The following ARSB variants were observed in gnomAD, a reference collection of about 807,000 sequenced individuals.
ARSB encodes N-acetylgalactosamine-4-sulfatase.
Under a neutral mutation model 50.9 loss-of-function variants are expected in ARSB, and 41 were observed. The observed-to-expected ratio is 0.81, with a 90% CI of 0.63 to 1.04. ARSB has a LOEUF of 1.04. Among genes scored for constraint, ARSB ranks in the 50% least tolerant of loss-of-function variants. The pLI is 0.00. For missense variants in ARSB, 672 were observed against 693.3 expected, an observed-to-expected ratio of 0.97 and a Z score of 0.35; for synonymous variants, 269 against 284.8, an observed-to-expected ratio of 0.94 and a Z score of 0.56.
rs76853928 is a variant in ARSB, at chr5:78,811,251, T to C, written c.1213+28105A>G. Reference sequence around the variant, plus strand: ...AACAATGGATGCTCTGGAATGTTTGTTGATTAAATAATTGAGATCACACAT... The same window carrying C: ...AACAATGGATGCTCTGGAATGTTTGCTGATTAAATAATTGAGATCACACAT... On this transcript the variant is annotated intron_variant, in intron 6 of 7. Coordinates refer to ENST00000264914, the MANE Select transcript of ARSB (RefSeq NM_000046.5). 6.6e-3 allele frequency among the ~76,000 whole-genome samples: 1,007 copies of C among 152,344 alleles called. 16 individuals carry two copies. The highest frequency in any genetic ancestry group is 0.023 in the African/African-American group (943 of 41,588).
intron 6 of ARSB, among the ~76,000 whole-genome samples, chr5:78,820,645 A>G (rs1744175787): frequency 6.6e-6 from 1 of 152,244 alleles, no homozygotes; most frequent in Non-Finnish European, 1.5e-5. Flanking sequence ...AGTTAAAAGA[A>G]TAAAGTAGAC....
At chr5:78,978,686 G>T (rs1400220014) in intron 1 of ARSB, among the ~76,000 whole-genome samples, 1 of 152,214 alleles carries the variant, frequency 6.6e-6, no homozygotes, top group Non-Finnish European at 1.5e-5. Context: ...GAATAGAATT[G>T]TAAGTCATAC....
intron 6 of ARSB, among the ~76,000 whole-genome samples, chr5:78,809,575 G>A (rs1250334268): frequency 6.6e-6 from 1 of 152,242 alleles, no homozygotes; most frequent in African/African-American, 2.4e-5. Flanking sequence ...CCAAGTCAGC[G>A]GCACTTCTTG....
chr5:78,886,622 TTAAG>T (rs1748049148), intron 4 of ARSB, among the ~76,000 whole-genome samples: 1 of 151,878 alleles, frequency 6.6e-6, no homozygotes, highest in Non-Finnish European at 1.5e-5. Flanking sequence ...GGGCTCAGAG[TTAAG>T]ACATTAAAGT....
intron 4 of ARSB, among the ~76,000 whole-genome samples, chr5:78,929,319 A>G (rs1238799558): frequency 6.6e-6 from 1 of 152,148 alleles, no homozygotes; most frequent in African/African-American, 2.4e-5. Flanking sequence ...AGTGATTTTC[A>G]GTCTAGAGGG....
At chr5:78,791,305 T>C (rs554537916) in intron 6 of ARSB, among the ~76,000 whole-genome samples, 1 of 152,378 alleles carries the variant, frequency 6.6e-6, no homozygotes, top group African/African-American at 2.4e-5. Flanking sequence ...TCAACTTTTG[T>C]ACTTAAAAGT....
chr5:78,799,768 A>C (rs1743311051), intron 6 of ARSB, among the ~76,000 whole-genome samples: 1 of 152,216 alleles, frequency 6.6e-6, no homozygotes, highest in Admixed American at 6.5e-5. Flanking sequence ...AGGTGAGCAG[A>C]ACCCCACAGA....
At chr5:78,958,259 G>T (rs1430231191) in intron 3 of ARSB, among the ~76,000 whole-genome samples, 5 of 152,110 alleles carry the variant, frequency 3.3e-5, no homozygotes, top group Admixed American at 2.6e-4. Context: ...AGTGGGGAGA[G>T]AGGGGGCCCA....
chr5:78,964,858 T>A (rs910276462), intron 2 of ARSB, among the ~76,000 whole-genome samples: 1 of 84,448 alleles, frequency 1.2e-5, no homozygotes, highest in African/African-American at 8.6e-5. Context: ...CACTAACAGT[T>A]TTTTTTTTTA....
chr5:78,782,350 C>T (rs1232019929), intron 6 of ARSB, among the ~76,000 whole-genome samples: 1 of 152,086 alleles, frequency 6.6e-6, no homozygotes, highest in African/African-American at 2.4e-5. Context: ...TATACTTATA[C>T]CTATGTAAAT....
At chr5:78,916,775 G>A (rs1046519438) in intron 4 of ARSB, among the ~76,000 whole-genome samples, 2 of 152,146 alleles carry the variant, frequency 1.3e-5, no homozygotes, top group African/African-American at 2.4e-5. Context: ...TCATTCTTGG[G>A]GGGATCTTTT....
At chr5:78,801,209 A>G (rs573648434) in intron 6 of ARSB, among the ~76,000 whole-genome samples, 2 of 152,286 alleles carry the variant, frequency 1.3e-5, no homozygotes, top group South Asian at 4.1e-4. Context: ...TTCTAGGATG[A>G]CCTGATAGTA....
At chr5:78,789,087 G>A (rs1270718345) in intron 6 of ARSB, among the ~76,000 whole-genome samples, 1 of 152,196 alleles carries the variant, frequency 6.6e-6, no homozygotes, top group East Asian at 1.9e-4. Flanking sequence ...TCTCTTGACT[G>A]CACAAGGCAT....
chr5:78,897,851 A>G (rs1331205597), intron 4 of ARSB, among the ~76,000 whole-genome samples: 1 of 152,116 alleles, frequency 6.6e-6, no homozygotes, highest in African/African-American at 2.4e-5. Context: ...AAAATTCACC[A>G]ATTTTTAAAT....
At chr5:78,918,019 A>G (rs1053885265) in intron 4 of ARSB, among the ~76,000 whole-genome samples, 2 of 152,218 alleles carry the variant, frequency 1.3e-5, no homozygotes, top group Non-Finnish European at 2.9e-5. Flanking sequence ...TTTCAACCCT[A>G]AAGACAATTC....
intron 4 of ARSB, among the ~76,000 whole-genome samples, chr5:78,894,064 T>A (rs568389899): frequency 4.6e-5 from 7 of 152,352 alleles, no homozygotes; most frequent in Non-Finnish European, 1.0e-4. Context: ...ACTAGACAGC[T>A]GTTTATCCTT....
rs894559793 is a variant in ARSB at position 78,814,493 on chromosome 5, T to A, written c.1213+24863A>T. 4.6e-5 allele frequency among the ~76,000 whole-genome samples: 7 copies of A among 150,846 alleles called. 1 individual carries two copies. Among genetic ancestry groups the A allele is most frequent in the Non-Finnish European group, 8.9e-5 (6 of 67,702 alleles). ...GCTACTGCGCCTTTATTTACATATT[T>A]TTCCCAACTGAAATGGTCTCTCCTC... On this transcript the variant is annotated intron_variant, in intron 6 of 7. Coordinates refer to ENST00000264914, the MANE Select transcript of ARSB (RefSeq NM_000046.5).
intron 1 of ARSB, among the ~76,000 whole-genome samples, chr5:78,972,877 T>C (rs1016957001): frequency 6.6e-6 from 1 of 152,212 alleles, no homozygotes. Flanking sequence ...GACAATCATA[T>C]GGAGCAGGGA....
At chr5:78,971,823 GTATA>G (rs1007213271) in intron 1 of ARSB, among the ~76,000 whole-genome samples, 17 of 152,152 alleles carry the variant, frequency 1.1e-4, no homozygotes, top group African/African-American at 3.9e-4. Context: ...GGTTTCACAG[GTATA>G]TACCTATCAA....
Sources: gnomAD v4.1 joint callset for allele counts (sites outside exome capture counted in the v4.1 genomes callset) on GRCh38, gnomAD v4.1.1 for gene constraint, MANE v1.5 for transcripts, NCBI Gene and HGNC (gene_info 2026-07-23, HGNC 2026-07-21) for gene names.